MPPED2: variants seen among roughly 807,000 people sequenced by gnomAD.
MPPED2 encodes the protein metallophosphoesterase MPPED2.
Under a neutral mutation model 33.0 loss-of-function variants are expected in MPPED2, and 5 were observed. The observed-to-expected ratio is 0.15, with a 90% CI of 0.08 to 0.32. The LOEUF is 0.32. MPPED2 is among the 10% of genes least tolerant of loss of function. The pLI is 1.00. For synonymous variants in MPPED2, 136 were observed against 141.9 expected (o/e 0.96, Z 0.29); for missense variants, 275 against 372.1 (o/e 0.74, Z 2.15).
chr11:30,552,673 CTT>C (rs1169666259), intron 2 of MPPED2, among the ~76,000 whole-genome samples: 3 of 152,106 alleles, frequency 2.0e-5, no homozygotes, highest in Non-Finnish European at 4.4e-5. Context: ...ACTGCAGACT[CTT>C]TATAAACGTT....
At chr11:30,572,230 A>C (rs1216864754) in intron 2 of MPPED2, among the ~76,000 whole-genome samples, 6 of 152,190 alleles carry the variant, frequency 3.9e-5, no homozygotes, top group African/African-American at 1.4e-4. Flanking sequence ...CTGTCCAATT[A>C]TGCAACATAC....
intron 4 of MPPED2, among the ~76,000 whole-genome samples, chr11:30,479,861 A>C (rs1565109056): frequency 6.6e-6 from 1 of 152,110 alleles, no homozygotes; most frequent in Non-Finnish European, 1.5e-5. Context: ...GAAATTTGCT[A>C]ATTGCTCTCA....
chr11:30,489,409 C>G (rs775159460), intron 4 of MPPED2, among the ~76,000 whole-genome samples: 6 of 152,114 alleles, frequency 3.9e-5, no homozygotes, highest in Non-Finnish European at 8.8e-5. Context: ...AAATCAACTC[C>G]CACTTTGAAA....
intron 3 of MPPED2, among the ~76,000 whole-genome samples, chr11:30,508,910 G>C (rs1010780021): frequency 2.0e-5 from 3 of 152,122 alleles, no homozygotes; most frequent in Admixed American, 6.6e-5. Context: ...AGGAGGGTTC[G>C]AACTATATTC....
At chr11:30,541,258 A>G (rs1408215780) in intron 2 of MPPED2, among the ~76,000 whole-genome samples, 1 of 152,176 alleles carries the variant, frequency 6.6e-6, no homozygotes, top group East Asian at 1.9e-4. Context: ...GTCTTGACAT[A>G]TTAGGGTTTT....
rs544091373 is a variant in MPPED2, at chr11:30,580,336, A to G, written c.38T>C (p.Ile13Thr). ...HGIPSQGKVT[I>T]TVDEYSSNPT... ...GTTTGAGCTGTACTCATCCACCGTT[A>G]TGGTAACTTTGCCTTGAGAAGGAAT... is the stretch of plus-strand genomic sequence containing the variant. Residue 13 changes from isoleucine (I) to threonine (T), a missense_variant, in exon 2 of 7, where the codon ATA (isoleucine) becomes ACA (threonine). By Grantham distance (89) the Ile-to-Thr change is moderately conservative (BLOSUM62 -1). Transcript: ENST00000358117. 1 of 1,614,036 alleles carries G rather than the reference A, an allele frequency of 6.2e-7. No homozygotes were observed. Among genetic ancestry groups the G allele is most frequent in the African/African-American group, 1.3e-5 (1 of 74,994 alleles).
chr11:30,536,881 A>T (rs1053706598), intron 2 of MPPED2, among the ~76,000 whole-genome samples: 5 of 152,190 alleles, frequency 3.3e-5, no homozygotes, highest in African/African-American at 1.2e-4. Flanking sequence ...ACCTGAGGTT[A>T]CCAGGAATGC....
At position 30,502,596 on chromosome 11, in the gene MPPED2, A is replaced by ATTT. The variant is rs1348758343; in HGVS notation, c.311-7076_311-7075insAAA. On this transcript the variant is annotated intron_variant, in intron 3 of 6. Coordinates refer to ENST00000358117, the MANE Select transcript of MPPED2 (RefSeq NM_001584.3). Reference sequence around the variant, plus strand: ...AGGCCAACTTTATGTGAGGTCCCAGAATCTAAAAACTTGTTGCTACAATTA... The same window carrying ATTT: ...AGGCCAACTTTATGTGAGGTCCCAGATTTATCTAAAAACTTGTTGCTACAATTA... Among the ~76,000 whole-genome samples the ATTT allele has an allele frequency of 1.3e-3, 198 of 152,300 alleles. No individual in the cohort carries two copies. The Middle Eastern group carries it at 0.017, about 13-fold the overall frequency.
intron 2 of MPPED2, among the ~76,000 whole-genome samples, chr11:30,559,132 T>C (rs1274735596): frequency 6.6e-6 from 1 of 152,186 alleles, no homozygotes; most frequent in African/African-American, 2.4e-5. Context: ...AAATCTTAAA[T>C]GACTACTAAT....
intron 1 of MPPED2, among the ~76,000 whole-genome samples, chr11:30,582,209 A>T (rs2134935051): frequency 6.6e-6 from 1 of 152,330 alleles, no homozygotes; most frequent in South Asian, 2.1e-4. Context: ...AAGTACCGAG[A>T]CACTACTGAA....
chr11:30,414,769 G>A lies in MPPED2; in HGVS notation c.653-428C>T, dbSNP rs554843533. Among the ~76,000 whole-genome samples, 3 of 152,264 alleles carry A rather than the reference G, an allele frequency of 2.0e-5. No individual in the cohort carries two copies. The South Asian group carries it at 6.2e-4, about 32-fold the overall frequency. The stretch of plus-strand genomic sequence containing the variant: ...AAAGAAGGACTGAGAGGAGCTGCCT[G>A]TAAACTGGTCACAAGATACCCAGCT... On this transcript the variant is annotated intron_variant, in intron 5 of 6. Transcript: ENST00000358117.
chr11:30,469,007 G>A (rs1371046182), intron 4 of MPPED2: 4 of 152,124 alleles, frequency 2.6e-5, no homozygotes, highest in Non-Finnish European at 5.9e-5. Context: ...ATATCTCTGG[G>A]AACCAAATCC....
chr11:30,527,706 G>C (rs1206320202), intron 3 of MPPED2, among the ~76,000 whole-genome samples: 1 of 152,126 alleles, frequency 6.6e-6, no homozygotes, highest in Non-Finnish European at 1.5e-5. Flanking sequence ...CTGTGTCACC[G>C]TTTTCTCTGT....
intron 6 of MPPED2, 34 bp from the exon 7 acceptor site, chr11:30,411,620 T>G (rs1209612163): frequency 1.3e-6 from 2 of 1,568,708 alleles, no homozygotes; most frequent in East Asian, 4.5e-5. Flanking sequence ...TACTGTAATA[T>G]ATACAAATGA....
intron 4 of MPPED2, among the ~76,000 whole-genome samples, chr11:30,474,875 C>T (rs1198529242): frequency 6.6e-6 from 1 of 152,124 alleles, no homozygotes; most frequent in African/African-American, 2.4e-5. Flanking sequence ...AGTGTTTTAA[C>T]TAATATGCCC....
chr11:30,497,300 T>G (rs1952311191), intron 3 of MPPED2, among the ~76,000 whole-genome samples: 1 of 152,178 alleles, frequency 6.6e-6, no homozygotes, highest in Non-Finnish European at 1.5e-5. Flanking sequence ...GTACTGCACA[T>G]GCTGGAAATT....
chr11:30,445,425 A>C (rs892166716), intron 4 of MPPED2, among the ~76,000 whole-genome samples: 2 of 152,190 alleles, frequency 1.3e-5, no homozygotes, highest in Non-Finnish European at 2.9e-5. Context: ...TCTAGTTGTC[A>C]CTAATTAGTG....
intron 3 of MPPED2, among the ~76,000 whole-genome samples, chr11:30,511,093 T>C (rs1052607247): frequency 6.6e-6 from 1 of 152,184 alleles, no homozygotes; most frequent in Non-Finnish European, 1.5e-5. Context: ...TCCTGTAGCA[T>C]TGGATAAAAG....
chr11:30,411,622 T>C (rs201517427), intron 6 of MPPED2, 36 bp from the exon 7 acceptor site: 7 of 1,565,650 alleles, frequency 4.5e-6, no homozygotes, highest in African/African-American at 4.0e-5. Context: ...CTGTAATATA[T>C]ACAAATGAGA....
Sources: allele counts gnomAD v4.1 joint callset (sites outside exome capture counted in the v4.1 genomes callset), GRCh38; gene constraint gnomAD v4.1.1; transcripts MANE v1.5; gene names NCBI Gene and HGNC (gene_info 2026-07-23, HGNC 2026-07-21).